Variants in SGPP2 observed in about 807,000 individuals in gnomAD.
The protein encoded by SGPP2 is sphingosine-1-phosphate phosphatase 2.
In SGPP2, 30 loss-of-function variants were observed where a neutral mutation model predicts 33.9. That is an observed-to-expected ratio of 0.89 (90% CI 0.66 to 1.20). The LOEUF (loss-of-function observed/expected upper bound fraction) is 1.20, where lower values mean the gene tolerates loss of function less well. Ranked by LOEUF, SGPP2 falls within the 50% of genes most tolerant of loss-of-function variation. The pLI is 0.00. For missense variants in SGPP2, 458 were observed against 532.1 expected, an observed-to-expected ratio of 0.86 and a Z score of 1.37; for synonymous variants, 233 against 225.0, an observed-to-expected ratio of 1.04 and a Z score of -0.32.
intron 4 of SGPP2, among the ~76,000 whole-genome samples, chr2:222,531,258 A>T (rs183421016): frequency 1.1e-4 from 17 of 152,322 alleles, no homozygotes; most frequent in Non-Finnish European, 2.1e-4. Context: ...TTCAATTTGT[A>T]AAAAACACAG....
intron 2 of SGPP2, among the ~76,000 whole-genome samples, chr2:222,516,608 A>G (rs1231825472): frequency 6.6e-6 from 1 of 152,218 alleles, no homozygotes; most frequent in Admixed American, 6.5e-5. Context: ...AACTTATCAT[A>G]TAAGTATACA....
chr2:222,454,672 C>A (rs1196967479), intron 1 of SGPP2, among the ~76,000 whole-genome samples: 1 of 149,054 alleles, frequency 6.7e-6, no homozygotes, highest in African/African-American at 2.5e-5. Context: ...AAAACTCAGG[C>A]AAGTGTGAGC....
At chr2:222,467,149 C>T (rs553511666) in intron 1 of SGPP2, among the ~76,000 whole-genome samples, 19 of 152,296 alleles carry the variant, frequency 1.2e-4, no homozygotes, top group East Asian at 5.8e-4. Context: ...GTGAGGTCCA[C>T]GGGCCAGCAA....
chr2:222,545,175 A>G (rs1559175518), intron 4 of SGPP2, among the ~76,000 whole-genome samples: 2 of 152,006 alleles, frequency 1.3e-5, no homozygotes, highest in Non-Finnish European at 2.9e-5. Context: ...TGCATTTATT[A>G]TGATTTCTTT....
chr2:222,497,097 G>A (rs1205991966), intron 2 of SGPP2, among the ~76,000 whole-genome samples: 3 of 152,184 alleles, frequency 2.0e-5, no homozygotes, highest in Admixed American at 6.5e-5. Context: ...CATTAGCCCT[G>A]ATGGAAAGTT....
At chr2:222,438,102 A>G (rs1697271892) in intron 1 of SGPP2, among the ~76,000 whole-genome samples, 1 of 152,178 alleles carries the variant, frequency 6.6e-6, no homozygotes, top group Non-Finnish European at 1.5e-5. Context: ...CAAATGAGGG[A>G]TATGTTGCCT....
rs1304691843 is a variant in SGPP2, at chr2:222,460,538, C to T, written c.220-14030C>T. 2.0e-5 allele frequency among the ~76,000 whole-genome samples: 3 copies of T among 152,164 alleles called. No homozygotes were observed. The highest frequency in any genetic ancestry group is 4.4e-5 in the Non-Finnish European group (3 of 68,022). On this transcript the variant is annotated intron_variant, in intron 1 of 4. Transcript: ENST00000321276. This position sits in a 1 kb window ranked among gnomAD's most constrained non-coding sequence, Gnocchi z 4.3. The stretch of plus-strand genomic sequence containing the variant: ...ACAAGAATGTGAATCCACTGGTGAC[C>T]GTTTACAGCAGCACATCTCTGATCA...
chr2:222,545,043 T>C lies in SGPP2; in HGVS notation c.649-13304T>C, dbSNP rs564170789. Among the ~76,000 whole-genome samples, 6 of 152,286 alleles carry C rather than the reference T, an allele frequency of 3.9e-5. No individual in the cohort carries two copies. In the East Asian group the frequency reaches 1.2e-3, roughly 29 times the overall value. On this transcript the variant is annotated intron_variant, in intron 4 of 4. Transcript: ENST00000321276. The stretch of plus-strand genomic sequence containing the variant: ...TGAAAAATAAAAGCACAATAGCTAT[T>C]GAATGACTGAACAAGTAATTTTTTG...
rs140155842 is a variant in SGPP2, at chr2:222,444,022, C to T, written c.219+19201C>T. Reference sequence around the variant, plus strand: ...AGTCAGCCTTCAAAGGTTATTTTTACTATTGTCTCTACCATCCCACCATTA... The same window carrying T: ...AGTCAGCCTTCAAAGGTTATTTTTATTATTGTCTCTACCATCCCACCATTA... On this transcript the variant is annotated intron_variant, in intron 1 of 4. Transcript: ENST00000321276. Among the ~76,000 whole-genome samples the T allele has an allele frequency of 1.8e-3, 280 of 152,322 alleles. 1 individual carries two copies. Among genetic ancestry groups the T allele is most frequent in the African/African-American group, 5.4e-3 (225 of 41,574 alleles).
At chr2:222,488,986 T>C (rs1698156749) in intron 2 of SGPP2, among the ~76,000 whole-genome samples, 1 of 152,204 alleles carries the variant, frequency 6.6e-6, no homozygotes, top group Non-Finnish European at 1.5e-5. Flanking sequence ...TTCTGAAGGT[T>C]TTCCAAAAAC....
At chr2:222,502,072 A>T (rs879784442) in intron 2 of SGPP2, among the ~76,000 whole-genome samples, 1 of 152,242 alleles carries the variant, frequency 6.6e-6, no homozygotes, top group Non-Finnish European at 1.5e-5. Context: ...TGTTAGGCAC[A>T]CTCATAGAAT....
At chr2:222,546,311 A>G (rs759444718) in intron 4 of SGPP2, among the ~76,000 whole-genome samples, 8 of 152,122 alleles carry the variant, frequency 5.3e-5, no homozygotes, top group Non-Finnish European at 1.2e-4. Context: ...AACCACCACA[A>G]TCTTGTACCT....
At chr2:222,524,033 C>A (rs1479101004) in intron 3 of SGPP2, among the ~76,000 whole-genome samples, 6 of 152,216 alleles carry the variant, frequency 3.9e-5, no homozygotes, top group African/African-American at 1.4e-4. Flanking sequence ...TCAGGCAGAT[C>A]ATTTCACCTC....
At chr2:222,466,618 G>A (rs1244791068) in intron 1 of SGPP2, among the ~76,000 whole-genome samples, 2 of 151,956 alleles carry the variant, frequency 1.3e-5, no homozygotes, top group East Asian at 1.9e-4. Flanking sequence ...TGAGAAACCT[G>A]TTTCTAAGCC....
At chr2:222,459,142 CT>C (rs1164145783) in intron 1 of SGPP2, among the ~76,000 whole-genome samples, 2,412 of 94,362 alleles carry the variant, frequency 0.026, 6 homozygotes, top group African/African-American at 0.035. Context: ...TTCTTTCTTT[CT>C]TTTTTTTTTT....
At chr2:222,467,950 GAAAA>G (rs61253653) in intron 1 of SGPP2, among the ~76,000 whole-genome samples, 7 of 24,874 alleles carry the variant, frequency 2.8e-4, no homozygotes, top group Admixed American at 8.3e-4. Context: ...GCTCTAATCT[GAAAA>G]AAAAAAAAAA....
chr2:222,505,276 G>A (rs899344212), intron 2 of SGPP2, among the ~76,000 whole-genome samples: 2 of 152,140 alleles, frequency 1.3e-5, no homozygotes, highest in Non-Finnish European at 2.9e-5. Context: ...AAGGTGAGTG[G>A]ATATATGTAA....
At chr2:222,433,584 G>A (rs1697191201) in intron 1 of SGPP2, among the ~76,000 whole-genome samples, 2 of 152,122 alleles carry the variant, frequency 1.3e-5, no homozygotes, top group Admixed American at 6.5e-5. Context: ...CGCTAAACTC[G>A]CCTTTGTCTG....
At chr2:222,467,576 C>A (rs976053061) in intron 1 of SGPP2, among the ~76,000 whole-genome samples, 7 of 152,084 alleles carry the variant, frequency 4.6e-5, no homozygotes, top group Admixed American at 2.0e-4. Context: ...ATCCATTTCC[C>A]TCTCCCCTAG....
Sources: allele counts gnomAD v4.1 joint callset (sites outside exome capture counted in the v4.1 genomes callset), GRCh38; gene constraint gnomAD v4.1.1; non-coding constraint Gnocchi (gnomAD v3.1); transcripts MANE v1.5; gene names NCBI Gene and HGNC (gene_info 2026-07-23, HGNC 2026-07-21).